The following MTMR7 variants were observed in gnomAD, a reference collection of about 807,000 sequenced individuals.
MTMR7 encodes myotubularin related protein 7.
In MTMR7, 76 loss-of-function variants were observed where a neutral mutation model predicts 81.2. The ratio of observed to expected loss-of-function variants is 0.94; its 90% CI spans 0.78 to 1.13. The LOEUF (loss-of-function observed/expected upper bound fraction) is 1.13. Among genes scored for constraint, MTMR7 ranks in the 50% most tolerant of loss-of-function variants. MTMR7 has a pLI of 0.00. For synonymous variants in MTMR7, 372 were observed against 289.8 expected, an observed-to-expected ratio of 1.28 and a Z score of -2.88; for missense variants, 1,044 against 820.0, an observed-to-expected ratio of 1.27 and a Z score of -3.34.
At chr8:17,348,800 G>C (rs981810190) in intron 5 of MTMR7, among the ~76,000 whole-genome samples, 153 bp downstream of exon 5, 1 of 152,114 alleles carries the variant, frequency 6.6e-6, no homozygotes. Context: ...ACTTAGCATA[G>C]TTGTATCATG....
At chr8:17,308,090 A>G (rs1817577980) in intron 10 of MTMR7, among the ~76,000 whole-genome samples, 1 of 151,950 alleles carries the variant, frequency 6.6e-6, no homozygotes, top group Non-Finnish European at 1.5e-5. Context: ...TAATTGCATT[A>G]TGGGAGACTG....
At chr8:17,375,382 T>G (rs1688537902) in intron 1 of MTMR7, among the ~76,000 whole-genome samples, 2 of 152,166 alleles carry the variant, frequency 1.3e-5, no homozygotes, top group Admixed American at 1.3e-4. Context: ...ACTTATACAA[T>G]TTACTCTGGA....
intron 3 of MTMR7, among the ~76,000 whole-genome samples, chr8:17,365,187 A>T (rs1282679493): frequency 6.6e-6 from 1 of 152,164 alleles, no homozygotes; most frequent in East Asian, 1.9e-4. Context: ...GCGTTTGTTC[A>T]TGTATCTGTT....
At chr8:17,301,713 A>T (rs1405106586) in intron 13 of MTMR7, 7 of 166,844 alleles carry the variant, frequency 4.2e-5, no homozygotes, top group Non-Finnish European at 2.6e-5. Context: ...AAGTTCATAG[A>T]AGCCAAAAGA....
intron 7 of MTMR7, among the ~76,000 whole-genome samples, chr8:17,330,044 C>T (rs1586200547): frequency 6.6e-6 from 1 of 152,182 alleles, no homozygotes; most frequent in Admixed American, 6.5e-5. Flanking sequence ...GCAGGTAATG[C>T]AGCCCCAAAC....
At chr8:17,325,348 T>C (rs1476255702) in intron 7 of MTMR7, among the ~76,000 whole-genome samples, 1 of 152,148 alleles carries the variant, frequency 6.6e-6, no homozygotes, top group Non-Finnish European at 1.5e-5. Flanking sequence ...CGAATGAAGA[T>C]TTCAATCCAT....
chr8:17,327,339 T>G (rs1818735652), intron 7 of MTMR7, among the ~76,000 whole-genome samples: 1 of 152,190 alleles, frequency 6.6e-6, no homozygotes, highest in South Asian at 2.1e-4. Context: ...GGCACGATCA[T>G]GGCTTACTGC....
chr8:17,320,168 T>C (rs184438653), intron 7 of MTMR7, among the ~76,000 whole-genome samples: 4 of 152,190 alleles, frequency 2.6e-5, no homozygotes, highest in East Asian at 1.9e-4. Flanking sequence ...AGATTTTCTT[T>C]TTACTTTTAA....
In MTMR7 at chr8:17,299,771, C is replaced by T. The variant is rs1050196175; in HGVS notation, c.*91G>A. 9.2e-6 allele frequency: 14 copies of T among 1,526,392 alleles called. No individual in the cohort carries two copies. In the African/African-American group the frequency reaches 1.4e-4, roughly 15 times the overall value. The allele number at this position is 1,526,392 out of a possible 1,614,324, so 94.6% of individuals were successfully genotyped here. ...TAAAGTAGTTCTCAATGACATGCAC[C>T]ATTTCCTGTTTTTACAATAAACCAC... On this transcript the variant is annotated 3_prime_UTR_variant, in exon 14 of 14. Coordinates refer to ENST00000180173, the MANE Select transcript of MTMR7 (RefSeq NM_004686.5).
At chr8:17,396,766 G>A (rs116320634) in intron 1 of MTMR7, among the ~76,000 whole-genome samples, 16 of 152,024 alleles carry the variant, frequency 1.1e-4, no homozygotes, top group African/African-American at 3.9e-4. Flanking sequence ...GGGAATGCTT[G>A]TGCCACCCCT....
At chr8:17,405,719 G>A (rs1388121297) in intron 1 of MTMR7, among the ~76,000 whole-genome samples, 1 of 151,798 alleles carries the variant, frequency 6.6e-6, no homozygotes, top group East Asian at 1.9e-4. Flanking sequence ...ATAATGTATG[G>A]TCATCATCAT....
At chr8:17,359,106 C>G (rs1819984744) in intron 4 of MTMR7, among the ~76,000 whole-genome samples, 1 of 151,962 alleles carries the variant, frequency 6.6e-6, no homozygotes, top group South Asian at 2.1e-4. Flanking sequence ...CTATGTTGCC[C>G]AGGCTGGTCT....
At chr8:17,384,720 TAA>T (rs1382037857) in intron 1 of MTMR7, among the ~76,000 whole-genome samples, 1 of 152,210 alleles carries the variant, frequency 6.6e-6, no homozygotes, top group Non-Finnish European at 1.5e-5. Flanking sequence ...CCTATTTACA[TAA>T]AGTTACTGAA....
intron 12 of MTMR7, among the ~76,000 whole-genome samples, chr8:17,303,002 C>T (rs1466706447): frequency 4.6e-5 from 7 of 152,026 alleles, no homozygotes; most frequent in South Asian, 2.1e-4. Context: ...GGAGCCACCA[C>T]GCCTGACCAA....
intron 3 of MTMR7, among the ~76,000 whole-genome samples, chr8:17,362,324 G>A (rs531040719): frequency 6.6e-6 from 1 of 152,294 alleles, no homozygotes; most frequent in Non-Finnish European, 1.5e-5. Flanking sequence ...GTTTGCAGTA[G>A]CGCTGAACAG....
At position 17,391,754 on chromosome 8, in the gene MTMR7, G is replaced by A. The variant is rs570270198; in HGVS notation, c.25-18514C>T. Among the ~76,000 whole-genome samples the A allele has an allele frequency of 2.8e-4, 42 of 152,190 alleles. No individual in the cohort carries two copies. The South Asian group carries it at 3.3e-3, about 12-fold the overall frequency. ...AGCTTGGCAATAAATTTATTTCTCC[G>A]GGAATCTATGATAAGCAGTGTTTTA... On this transcript the variant is annotated intron_variant, in intron 1 of 13. Coordinates refer to ENST00000180173, the MANE Select transcript of MTMR7 (RefSeq NM_004686.5).
intron 8 of MTMR7, 41 bp from the exon 9 acceptor site, chr8:17,311,677 T>C (rs766114952): frequency 6.2e-7 from 1 of 1,613,018 alleles, no homozygotes; most frequent in South Asian, 1.1e-5. Flanking sequence ...AAAGAATGGC[T>C]GTAAAAAGGC....
chr8:17,391,385 A>AAT (rs1821104421), intron 1 of MTMR7, among the ~76,000 whole-genome samples: 3 of 152,124 alleles, frequency 2.0e-5, no homozygotes, highest in Admixed American at 2.0e-4. Flanking sequence ...AAAGAACTGC[A>AAT]ATATTATTTT....
chr8:17,330,640 G>T (rs1012209855), intron 7 of MTMR7, among the ~76,000 whole-genome samples: 1 of 152,098 alleles, frequency 6.6e-6, no homozygotes, highest in Admixed American at 6.5e-5. Context: ...TGTCATGTTC[G>T]CCATATATGT....
Sources: allele counts gnomAD v4.1 joint callset (sites outside exome capture counted in the v4.1 genomes callset), GRCh38; gene constraint gnomAD v4.1.1; transcripts MANE v1.5; gene names NCBI Gene and HGNC (gene_info 2026-07-23, HGNC 2026-07-21).